Variants in AGBL1 observed in about 807,000 individuals in gnomAD.
AGBL1 encodes the protein AGBL carboxypeptidase 1.
AGBL1 carries 130 observed loss-of-function variants against 118.9 expected under a neutral mutation model. The observed-to-expected ratio is 1.09, with a 90% CI of 0.95 to 1.26. The LOEUF is 1.26. Ranked by LOEUF, AGBL1 falls within the 50% of genes most tolerant of loss-of-function variation. The pLI is 0.00. For synonymous variants in AGBL1, 555 were observed against 478.9 expected, an observed-to-expected ratio of 1.16 and a Z score of -2.08; for missense variants, 1,584 against 1,298.1, an observed-to-expected ratio of 1.22 and a Z score of -3.38.
intron 6 of AGBL1, among the ~76,000 whole-genome samples, chr15:86,234,628 G>A (rs543218766): frequency 6.6e-6 from 1 of 151,544 alleles, no homozygotes; most frequent in African/African-American, 2.4e-5. Context: ...GCAGGCTCTG[G>A]AAAGACTGTG....
At chr15:86,703,693 A>C (rs1158574676) in intron 22 of AGBL1, among the ~76,000 whole-genome samples, 2 of 151,984 alleles carry the variant, frequency 1.3e-5, no homozygotes, top group Non-Finnish European at 2.9e-5. Context: ...AAATCTCATG[A>C]GATCTGATGT....
intron 1 of AGBL1, chr15:86,139,764 T>A (rs1460432913): frequency 2.5e-5 from 1 of 39,566 alleles, no homozygotes; most frequent in Non-Finnish European, 4.8e-5. Context: ...CATTAATTGA[T>A]TTTTTTTTTT....
intron 15 of AGBL1, among the ~76,000 whole-genome samples, chr15:86,274,064 G>C (rs906458889): frequency 6.6e-6 from 1 of 152,060 alleles, no homozygotes; most frequent in African/African-American, 2.4e-5. Context: ...ATTTAAAAAA[G>C]TGTATATGCA....
intron 21 of AGBL1, among the ~76,000 whole-genome samples, chr15:86,576,018 G>T (rs1051268300): frequency 2.6e-5 from 4 of 152,160 alleles, no homozygotes; most frequent in Non-Finnish European, 5.9e-5. Context: ...ACTCCCATAA[G>T]TAGAAAATTA....
chr15:86,520,809 ATGT>A (rs1211597961), intron 18 of AGBL1, among the ~76,000 whole-genome samples: 1 of 152,220 alleles, frequency 6.6e-6, no homozygotes, highest in Non-Finnish European at 1.5e-5. Flanking sequence ...GGGCTCTGGG[ATGT>A]TGTGCCTGCA....
intron 22 of AGBL1, among the ~76,000 whole-genome samples, chr15:86,791,748 A>ATT (rs1417340663): frequency 6.0e-5 from 9 of 149,566 alleles, no homozygotes; most frequent in African/African-American, 2.2e-4. Flanking sequence ...ATATATATAT[A>ATT]TATTTTGAGA....
At chr15:86,958,603 C>A (rs758929665) in intron 23 of AGBL1, among the ~76,000 whole-genome samples, 18 of 152,094 alleles carry the variant, frequency 1.2e-4, no homozygotes, top group Non-Finnish European at 2.4e-4. Context: ...GTGCTATACA[C>A]ATAAATCTAT....
chr15:86,572,637 G>A (rs977335221), intron 21 of AGBL1, among the ~76,000 whole-genome samples: 9 of 152,196 alleles, frequency 5.9e-5, no homozygotes, highest in Non-Finnish European at 1.2e-4. Flanking sequence ...AGTGGGTCCT[G>A]CCCAGTCACG....
At chr15:86,328,120 C>T (rs141496767) in intron 17 of AGBL1, among the ~76,000 whole-genome samples, 23 of 152,248 alleles carry the variant, frequency 1.5e-4, no homozygotes, top group African/African-American at 5.1e-4. Context: ...AGTTCCTGTT[C>T]CTATGGATAT....
chr15:86,371,343 C>T (rs1037278288), intron 17 of AGBL1, among the ~76,000 whole-genome samples: 1 of 152,156 alleles, frequency 6.6e-6, no homozygotes, highest in Non-Finnish European at 1.5e-5. Context: ...TGGAGTTGGA[C>T]ATGAGATTGG....
At chr15:86,080,773 C>T (rs545576684) in intron 1 of AGBL1, among the ~76,000 whole-genome samples, 32 of 152,080 alleles carry the variant, frequency 2.1e-4, no homozygotes, top group African/African-American at 7.0e-4. Flanking sequence ...AAAACTCCCC[C>T]GGGGTCTCCA....
At chr15:87,006,407 G>C (rs1019412738) in intron 24 of AGBL1, among the ~76,000 whole-genome samples, 2 of 152,094 alleles carry the variant, frequency 1.3e-5, no homozygotes, top group African/African-American at 2.4e-5. Flanking sequence ...GCCCCTCCCC[G>C]AGCCTCGCTG....
chr15:86,898,146 C>T (rs1262533248), intron 22 of AGBL1, among the ~76,000 whole-genome samples: 1 of 152,064 alleles, frequency 6.6e-6, no homozygotes, highest in Non-Finnish European at 1.5e-5. Context: ...AAAAACTTCT[C>T]CAGAGTTTTA....
At chr15:86,944,013 C>CA (rs954564756) in intron 23 of AGBL1, among the ~76,000 whole-genome samples, 3 of 151,864 alleles carry the variant, frequency 2.0e-5, no homozygotes, top group African/African-American at 4.8e-5. Context: ...TATGCTGTGT[C>CA]AAAAAAGTAT....
chr15:86,581,159 T>C (rs968121522), intron 21 of AGBL1, among the ~76,000 whole-genome samples: 6 of 152,222 alleles, frequency 3.9e-5, no homozygotes, highest in African/African-American at 1.2e-4. Flanking sequence ...CTGGGTGGTC[T>C]TGACTCCTTG....
chr15:86,792,251 G>T (rs1429663542), intron 22 of AGBL1, among the ~76,000 whole-genome samples: 1 of 152,130 alleles, frequency 6.6e-6, no homozygotes, highest in Non-Finnish European at 1.5e-5. Flanking sequence ...TGGGGTGTTT[G>T]TTCAGTGCCT....
intron 22 of AGBL1, among the ~76,000 whole-genome samples, chr15:86,677,764 C>T (rs143336216): frequency 4.6e-5 from 7 of 151,746 alleles, no homozygotes; most frequent in East Asian, 3.9e-4. Context: ...GTTTGTTTGA[C>T]GGACAACACT....
chr15:86,502,889 G>T (rs1361692262), intron 18 of AGBL1, among the ~76,000 whole-genome samples: 1 of 151,330 alleles, frequency 6.6e-6, no homozygotes, highest in African/African-American at 2.4e-5. Context: ...TTTTTCCCAT[G>T]ATATCTTTGG....
intron 18 of AGBL1, among the ~76,000 whole-genome samples, chr15:86,497,497 T>C (rs1276119263): frequency 6.6e-6 from 1 of 151,984 alleles, no homozygotes; most frequent in Non-Finnish European, 1.5e-5. Flanking sequence ...TTTGATAATT[T>C]TCAAAACATT....
Sources: gnomAD v4.1 joint callset for allele counts (sites outside exome capture counted in the v4.1 genomes callset) on GRCh38, gnomAD v4.1.1 for gene constraint, MANE v1.5 for transcripts, NCBI Gene and HGNC (gene_info 2026-07-23, HGNC 2026-07-21) for gene names.